NUP37: variants seen among roughly 807,000 people sequenced by gnomAD.
NUP37 encodes nucleoporin 37.
NUP37 carries 33 observed loss-of-function variants against 45.4 expected under a neutral mutation model. The observed-to-expected ratio is 0.73, with a 90% CI of 0.55 to 0.97. NUP37 has a LOEUF of 0.97. Ranked by LOEUF, NUP37 falls within the 50% of genes least tolerant of loss-of-function variation. NUP37 has a pLI of 0.00. For missense variants in NUP37, 365 were observed against 389.7 expected (o/e 0.94, Z 0.53); for synonymous variants, 127 against 130.7 (o/e 0.97, Z 0.19).
chr12:102,087,324 C>T (rs902957893), intron 5 of NUP37, among the ~76,000 whole-genome samples: 3 of 152,212 alleles, frequency 2.0e-5, no homozygotes, highest in African/African-American at 7.2e-5. Context: ...CACATAACTT[C>T]AAATATTCTT....
chr12:102,112,304 T>C, intron 2 of NUP37, 72 bp from the exon 3 acceptor site: 1 of 1,271,820 alleles, frequency 7.9e-7, no homozygotes, highest in Non-Finnish European at 1.1e-6. Context: ...TTCATTATAA[T>C]GAATTTATCA....
At chr12:102,117,456 A>AAAT (rs1555207456) in intron 2 of NUP37, among the ~76,000 whole-genome samples, 2 of 152,090 alleles carry the variant, frequency 1.3e-5, no homozygotes, top group African/African-American at 4.8e-5. Flanking sequence ...AAAAAAATAA[A>AAAT]AATAATAATA....
chr12:102,084,271 T>C (rs962020447), intron 6 of NUP37, among the ~76,000 whole-genome samples: 3 of 152,216 alleles, frequency 2.0e-5, no homozygotes, highest in African/African-American at 7.2e-5. Flanking sequence ...GCCTGGCGTA[T>C]GTAAGCACTA....
chr12:102,091,363 A>T (rs1879645572), intron 5 of NUP37, among the ~76,000 whole-genome samples: 1 of 135,144 alleles, frequency 7.4e-6, no homozygotes, highest in African/African-American at 2.8e-5. Flanking sequence ...TTGCCACTGT[A>T]CTCCAGCCCG....
Position 102,094,436 on chromosome 12 carries a change from T to A in NUP37, c.449+4670A>T, listed in dbSNP as rs117184799. On this transcript the variant is annotated intron_variant, in intron 5 of 9. Transcript: ENST00000552283. Reference sequence around the variant, plus strand: ...TGGCCTACCTTCAGAAGGCTCTCAGTTTCCTTTTTGCTGTTTCCCACAAGG... The same window carrying A: ...TGGCCTACCTTCAGAAGGCTCTCAGATTCCTTTTTGCTGTTTCCCACAAGG... 6.6e-3 allele frequency among the ~76,000 whole-genome samples: 1,007 copies of A among 152,154 alleles called. 2 individuals carry two copies. The highest frequency in any genetic ancestry group is 0.011 in the Non-Finnish European group (718 of 67,918).
At position 102,074,984 on chromosome 12, in the gene NUP37, A is replaced by T. The variant is rs776349770; in HGVS notation, c.867+17T>A. On this transcript the variant is annotated intron_variant, in intron 9 of 9. Coordinates refer to ENST00000552283, the MANE Select transcript of NUP37 (RefSeq NM_024057.4). ...AAAAAAAAAAAGCACGTATGTTACA[A>T]AACATTTCCACATTACCTGAGGGTG... The T allele has an allele frequency of 2.0e-6, 3 of 1,529,504 alleles. No individual in the cohort carries two copies. Among genetic ancestry groups the T allele is most frequent in the Admixed American group, 4.0e-5 (2 of 49,748 alleles). The allele number at this position is 1,529,504 out of a possible 1,614,324, so 94.7% of individuals were successfully genotyped here. A position where few individuals can be genotyped will look rare whatever the true frequency, so the allele number is the denominator to read the frequency against.
rs1356499664 is a variant in NUP37 at position 102,075,027 on chromosome 12, G to C, written c.841C>G (p.Gln281Glu). ...TGAGGGTGTCCTAAATGATGAATTTGAAACTGGCTTGCCATTTTGCCAGGA... is the reference window on the plus strand; with the variant it reads ...TGAGGGTGTCCTAAATGATGAATTTCAAACTGGCTTGCCATTTTGCCAGGA... ...GYPGKMASQF[Q>E]IHHLGHPQPI... is the part of the protein sequence containing the mutation. Residue 281 changes from glutamine to glutamate, a missense_variant, in exon 9 of 10, where the codon CAA becomes GAA. By Grantham distance (29) the Gln-to-Glu change is conservative (BLOSUM62 2). Transcript: ENST00000552283. 6.2e-7 allele frequency: 1 copy of C among 1,609,762 alleles called. No individual in the cohort carries two copies. The highest frequency in any genetic ancestry group is 2.2e-5 in the East Asian group (1 of 44,766).
intron 3 of NUP37, 41 bp from the exon 4 acceptor site, chr12:102,101,145 T>C (rs1301642550): frequency 1.6e-6 from 2 of 1,256,466 alleles, no homozygotes; most frequent in Non-Finnish European, 2.3e-6. Context: ...TTTTAGCCTT[T>C]GTAAGTGAAA....
rs540250513 is a variant in NUP37, at chr12:102,114,576, G to A, written c.157-2344C>T. On this transcript the variant is annotated intron_variant, in intron 2 of 9. Transcript: ENST00000552283. Reference sequence around the variant, plus strand: ...AATACAAATGATTATACAAGGTTTCGGCATATTTGAGGTTGGGGCAAAGCC... The same window carrying A: ...AATACAAATGATTATACAAGGTTTCAGCATATTTGAGGTTGGGGCAAAGCC... 3.9e-5 allele frequency among the ~76,000 whole-genome samples: 6 copies of A among 152,220 alleles called. No homozygotes were observed. In the South Asian group the frequency reaches 6.2e-4, roughly 16 times the overall value.
Position 102,112,206 on chromosome 12 carries a change from A to G in NUP37, c.183T>C (p.Ile61=). 3 of 1,612,752 alleles carry G rather than the reference A, an allele frequency of 1.9e-6. No individual in the cohort carries two copies. The highest frequency in any genetic ancestry group is 2.5e-6 in the Non-Finnish European group (3 of 1,179,110). ...GAAATGTTCGAAGTGTTTTATACTG[A>G]ATGCCTTCAACGTCTGCTTCTTCTT... is the stretch of plus-strand genomic sequence containing the variant. ...FQEEEADVEG[I]QYKTLRTFHH... The change falls in exon 3 of 10, where the codon ATT becomes ATC. Residue 61 remains isoleucine, a synonymous_variant. Coordinates refer to ENST00000552283, the MANE Select transcript of NUP37 (RefSeq NM_024057.4).
In NUP37 at chr12:102,103,461, A is replaced by G. The variant is rs1325526669; in HGVS notation, c.282-2357T>C. ...TGTATCATGCAACCTTACTGAATTC[A>G]CTAATCAGTTCTAACAGTTTTTTGG... On this transcript the variant is annotated intron_variant, in intron 3 of 9. Coordinates refer to ENST00000552283, the MANE Select transcript of NUP37 (RefSeq NM_024057.4). Among the ~76,000 whole-genome samples, 3 of 152,316 alleles carry G rather than the reference A, an allele frequency of 2.0e-5. No homozygotes were observed. In the East Asian group the frequency reaches 5.8e-4, roughly 29 times the overall value.
In NUP37 at chr12:102,076,979, G is replaced by A. The variant is rs1594382723; in HGVS notation, c.723-132C>T. 22 of 679,040 alleles carry A rather than the reference G, an allele frequency of 3.2e-5. No individual in the cohort carries two copies. The East Asian group carries it at 5.5e-4, about 17-fold the overall frequency. 42.1% of individuals were successfully genotyped at this position (679,040 alleles called of 1,614,324 possible). A position where few individuals can be genotyped will look rare whatever the true frequency, so the allele number is the denominator to read the frequency against. On this transcript the variant is annotated intron_variant, in intron 7 of 9. Coordinates refer to ENST00000552283, the MANE Select transcript of NUP37 (RefSeq NM_024057.4). ...TTAAACTATAATAAATCCTAAACAA[G>A]CAATCAGTTAAAACAGATGAAATAC... is the stretch of plus-strand genomic sequence containing the variant.
At chr12:102,074,785 G>T in intron 9 of NUP37, 1 of 447,062 alleles carries the variant, frequency 2.2e-6, no homozygotes, top group East Asian at 3.5e-5. Context: ...ATGAATACTG[G>T]CCAAAAAAAC....
At chr12:102,082,837 G>T (rs1208663233) in intron 6 of NUP37, among the ~76,000 whole-genome samples, 1 of 152,186 alleles carries the variant, frequency 6.6e-6, no homozygotes, top group Non-Finnish European at 1.5e-5. Flanking sequence ...CATGAGAAAA[G>T]AAAGGGGGAG....
intron 6 of NUP37, among the ~76,000 whole-genome samples, chr12:102,079,607 AT>A (rs1879276421): frequency 6.6e-6 from 1 of 152,200 alleles, no homozygotes; most frequent in African/African-American, 2.4e-5. Context: ...GAACAGTGCT[AT>A]AACTCATGCC....
At chr12:102,080,835 G>A (rs982366263) in intron 6 of NUP37, among the ~76,000 whole-genome samples, 7 of 152,142 alleles carry the variant, frequency 4.6e-5, no homozygotes, top group Non-Finnish European at 8.8e-5. Flanking sequence ...AAGAGATCGA[G>A]GAAAATTCAC....
chr12:102,114,689 T>C (rs1009793840), intron 2 of NUP37, among the ~76,000 whole-genome samples: 1 of 152,144 alleles, frequency 6.6e-6, no homozygotes, highest in Non-Finnish European at 1.5e-5. Context: ...TTTCAGTTAG[T>C]CAAGACTGTG....
At chr12:102,087,201 T>G (rs1879496999) in intron 5 of NUP37, among the ~76,000 whole-genome samples, 1 of 152,056 alleles carries the variant, frequency 6.6e-6, no homozygotes, top group Non-Finnish European at 1.5e-5. Context: ...ACCAATGAGG[T>G]TAAACCAAAC....
chr12:102,075,654 C>T (rs558631915), intron 8 of NUP37, among the ~76,000 whole-genome samples: 1 of 152,208 alleles, frequency 6.6e-6, no homozygotes, highest in East Asian at 1.9e-4. Context: ...CAAAGTTACA[C>T]AAGGTTGATA....
Sources: gnomAD v4.1 joint callset for allele counts (sites outside exome capture counted in the v4.1 genomes callset) on GRCh38, gnomAD v4.1.1 for gene constraint, MANE v1.5 for transcripts, NCBI Gene and HGNC (gene_info 2026-07-23, HGNC 2026-07-21) for gene names.